Variants in ZFC3H1 observed in about 807,000 individuals in gnomAD.
The protein encoded by ZFC3H1 is zinc finger C3H1 domain-containing protein.
A neutral mutation model predicts 243.7 loss-of-function variants in ZFC3H1; 71 were observed. The ratio of observed to expected loss-of-function variants is 0.29; its 90% CI spans 0.24 to 0.36. ZFC3H1 has a LOEUF of 0.36. ZFC3H1 is among the 10% of genes least tolerant of loss of function. The probability of loss-of-function intolerance (pLI) is 1.00; values close to 1 mark genes in which losing one functional copy is unlikely to be tolerated. For synonymous variants in ZFC3H1, 838 were observed against 813.0 expected, an observed-to-expected ratio of 1.03 and a Z score of -0.52; for missense variants, 1,966 against 2,317.1, an observed-to-expected ratio of 0.85 and a Z score of 3.11.
At chr12:71,624,898 C>T (rs1038611903) in intron 22 of ZFC3H1, among the ~76,000 whole-genome samples, 18 of 152,100 alleles carry the variant, frequency 1.2e-4, no homozygotes, top group African/African-American at 4.1e-4. Flanking sequence ...ACCCAGGAGA[C>T]GGAGGTTGCA....
chr12:71,627,697 A>G lies in ZFC3H1; in HGVS notation c.4130+54T>C. The G allele has an allele frequency of 2.6e-6, 4 of 1,526,904 alleles. No homozygotes were observed. In the South Asian group the frequency reaches 5.0e-5, roughly 19 times the overall value. 94.6% of individuals were successfully genotyped at this position (1,526,904 alleles called of 1,614,324 possible). ...GATTACCATAGGTAAAAAAACCTCA[A>G]ACATAAAAATATAAATGTGCAACTG... On this transcript the variant is annotated intron_variant, in intron 21 of 34. Coordinates refer to ENST00000378743, the MANE Select transcript of ZFC3H1 (RefSeq NM_144982.5).
Position 71,634,176 on chromosome 12 carries a change from T to A in ZFC3H1, c.2489A>T (p.Glu830Val), listed in dbSNP as rs1249133012. ...AMVTKQVTDA[E>V]SKLKKHRILL... ...TCACCTATGTTTTTTCAGTTTTGAT[T>A]CTGCATCTGTAACCTGCTTAGTAAC... Residue 830 changes from glutamate (E) to valine (V), a missense_variant, in exon 12 of 35, where the codon GAA becomes GTA. Coordinates refer to ENST00000378743, the MANE Select transcript of ZFC3H1 (RefSeq NM_144982.5). 1 of 1,611,984 alleles carries A rather than the reference T, an allele frequency of 6.2e-7. No individual in the cohort carries two copies. Among genetic ancestry groups the A allele is most frequent in the Non-Finnish European group, 8.5e-7 (1 of 1,179,444 alleles).
chr12:71,633,650 TA>T (rs879595075), intron 12 of ZFC3H1, among the ~76,000 whole-genome samples: 31 of 149,764 alleles, frequency 2.1e-4, no homozygotes, highest in African/African-American at 6.1e-4. Flanking sequence ...ACTGATCTTT[TA>T]AAAAAAAAAA....
intron 2 of ZFC3H1, among the ~76,000 whole-genome samples, chr12:71,653,889 C>CAT (rs1880951984): frequency 1.3e-5 from 2 of 152,028 alleles, no homozygotes; most frequent in South Asian, 4.1e-4. Flanking sequence ...TGGCATGTAC[C>CAT]ATAGTCCCAG....
rs931618153 is a variant in ZFC3H1 at position 71,634,039 on chromosome 12, C to T, written c.2510+116G>A. The stretch of plus-strand genomic sequence containing the variant: ...CAAAATGACAGACTTCTACATTCTA[C>T]AAAGTTTAAGTGAGAAAATGTATAA... On this transcript the variant is annotated intron_variant, in intron 12 of 34. Transcript: ENST00000378743. 8.5e-6 allele frequency: 9 copies of T among 1,060,352 alleles called. No individual in the cohort carries two copies. The African/African-American group carries it at 1.4e-4, about 17-fold the overall frequency. The allele number at this position is 1,060,352 out of a possible 1,614,324, so 65.7% of individuals were successfully genotyped here. A position where few individuals can be genotyped will look rare whatever the true frequency, so the allele number is the denominator to read the frequency against.
At chr12:71,626,515 CA>C in intron 21 of ZFC3H1, 69 bp from the exon 22 acceptor site, 2 of 1,303,784 alleles carry the variant, frequency 1.5e-6, no homozygotes, top group African/African-American at 1.5e-5. Context: ...AGGGCTAATC[CA>C]ATGAGTCAAT....
intron 24 of ZFC3H1, among the ~76,000 whole-genome samples, chr12:71,621,556 A>G (rs931230525): frequency 5.9e-5 from 9 of 152,058 alleles, no homozygotes; most frequent in African/African-American, 2.2e-4. Flanking sequence ...CACATGCCTC[A>G]GCAGATTATC....
intron 2 of ZFC3H1, among the ~76,000 whole-genome samples, chr12:71,649,159 ATG>A (rs1880812814): frequency 6.6e-6 from 1 of 152,074 alleles, no homozygotes; most frequent in Non-Finnish European, 1.5e-5. Flanking sequence ...ATATTTACTT[ATG>A]TGTGATTTGT....
rs559873321 is a variant in ZFC3H1, at chr12:71,629,077, GT to G, written c.3827-41del. On this transcript the variant is annotated intron_variant, in intron 19 of 34. Coordinates refer to ENST00000378743, the MANE Select transcript of ZFC3H1 (RefSeq NM_144982.5). ...AGAAGATTGTTAATTGATATAACTA[GT>G]TTTTTTTTTAACATTTTGAAGGATA... 1.2e-3 allele frequency: 1,662 copies of G among 1,342,730 alleles called. 1 individual carries two copies. The highest frequency in any genetic ancestry group is 1.7e-3 in the Admixed American group (71 of 41,580). 83.2% of individuals were successfully genotyped at this position (1,342,730 alleles called of 1,614,324 possible). A position where few individuals can be genotyped will look rare whatever the true frequency, so the allele number is the denominator to read the frequency against.
At chr12:71,620,459 G>T in intron 24 of ZFC3H1, 144 bp from the exon 25 acceptor site, 1 of 790,006 alleles carries the variant, frequency 1.3e-6, no homozygotes, top group Non-Finnish European at 2.0e-6. Flanking sequence ...CACCTTTACT[G>T]AGCTGGCTTT....
chr12:71,650,511 G>T (rs1880856762), intron 2 of ZFC3H1, among the ~76,000 whole-genome samples: 1 of 152,018 alleles, frequency 6.6e-6, no homozygotes, highest in Non-Finnish European at 1.5e-5. Context: ...AGTCTAATGT[G>T]AGCCAAAGTC....
At chr12:71,654,128 T>TA (rs35531704) in intron 2 of ZFC3H1, among the ~76,000 whole-genome samples, 10 of 151,102 alleles carry the variant, frequency 6.6e-5, no homozygotes, top group African/African-American at 2.2e-4. Flanking sequence ...AACACATTTT[T>TA]AAAAAAAAAG....
intron 24 of ZFC3H1, among the ~76,000 whole-genome samples, chr12:71,621,050 C>A (rs1050725747): frequency 6.6e-6 from 1 of 152,078 alleles, no homozygotes; most frequent in African/African-American, 2.4e-5. Flanking sequence ...TTCTTCTTGC[C>A]TCTGCTTCCA....
At chr12:71,650,733 A>G (rs1880864049) in intron 2 of ZFC3H1, among the ~76,000 whole-genome samples, 1 of 152,168 alleles carries the variant, frequency 6.6e-6, no homozygotes, top group South Asian at 2.1e-4. Flanking sequence ...AATATAGTAG[A>G]GATGTCTACC....
chr12:71,662,882 T>TA (rs1881222846), intron 1 of ZFC3H1, 131 bp downstream of exon 1: 1 of 953,356 alleles, frequency 1.0e-6, no homozygotes, highest in East Asian at 2.4e-5. Context: ...AAGAACAACT[T>TA]AAAGTATACT....
chr12:71,632,183 G>A lies in ZFC3H1; in HGVS notation c.3149C>T (p.Ser1050Phe), dbSNP rs1880338950. The change falls in exon 15 of 35, where the codon TCC becomes TTC. Residue 1050 changes from serine (S) to phenylalanine (F), a missense_variant. Ser to Phe is a radical substitution (Grantham distance 155, BLOSUM62 -2). Transcript: ENST00000378743. ...AAGGTTAGGTTTAGTAAAATAATTG[G>A]ATTCTAAAAAAGATCTTCTTCGCTC... ...SRERRRSFLE[S>F]NYFTKPNLKH... 1 of 1,602,586 alleles carries A rather than the reference G, an allele frequency of 6.2e-7. No homozygotes were observed. The highest frequency in any genetic ancestry group is 1.4e-5 in the African/African-American group (1 of 73,948).
chr12:71,611,007 G>C, intron 33 of ZFC3H1, 51 bp downstream of exon 33: 6 of 1,568,608 alleles, frequency 3.8e-6, no homozygotes, highest in Non-Finnish European at 5.1e-6. Flanking sequence ...CAACAAAAGA[G>C]ACAGAAAAAC....
Position 71,629,592 on chromosome 12 carries a change from C to CACACAA in ZFC3H1, c.3826+16_3826+17insTTGTGT. 4 of 1,462,396 alleles carry CACACAA rather than the reference C, an allele frequency of 2.7e-6. No homozygotes were observed. Among genetic ancestry groups the CACACAA allele is most frequent in the Non-Finnish European group, 3.8e-6 (4 of 1,057,448 alleles). The allele number at this position is 1,462,396 out of a possible 1,614,324, so 90.6% of individuals were successfully genotyped here. A position where few individuals can be genotyped will look rare whatever the true frequency, so the allele number is the denominator to read the frequency against. The stretch of plus-strand genomic sequence containing the variant: ...ACACACACACACACACACACACACA[C>CACACAA]TTATATATGTACTTACTATGACCTT... On this transcript the variant is annotated intron_variant, in intron 19 of 34. Transcript: ENST00000378743.
chr12:71,650,619 G>C (rs1350532556), intron 2 of ZFC3H1, among the ~76,000 whole-genome samples: 2 of 152,096 alleles, frequency 1.3e-5, no homozygotes, highest in African/African-American at 2.4e-5. Flanking sequence ...CACAGGAAAA[G>C]TAATTATTTA....
Sources: gnomAD v4.1 joint callset for allele counts (sites outside exome capture counted in the v4.1 genomes callset) on GRCh38, gnomAD v4.1.1 for gene constraint, MANE v1.5 for transcripts, NCBI Gene and HGNC (gene_info 2026-07-23, HGNC 2026-07-21) for gene names.